Variants in CCSER2 observed in about 807,000 individuals in gnomAD.
The protein encoded by CCSER2 is serine-rich coiled-coil domain-containing protein 2.
In CCSER2, 46 loss-of-function variants were observed where a neutral mutation model predicts 92.3. The observed-to-expected ratio is 0.50, with a 90% CI of 0.39 to 0.64. The LOEUF (loss-of-function observed/expected upper bound fraction) is 0.64, where lower values mean the gene tolerates loss of function less well. CCSER2 is among the 30% of genes least tolerant of loss of function. The probability of loss-of-function intolerance (pLI) is 0.00; values close to 1 mark genes in which losing one functional copy is unlikely to be tolerated. For missense variants in CCSER2, 1,244 were observed against 1,238.9 expected, an observed-to-expected ratio of 1.00 and a Z score of -0.06; for synonymous variants, 433 against 431.4, an observed-to-expected ratio of 1.00 and a Z score of -0.04.
intron 6 of CCSER2, among the ~76,000 whole-genome samples, chr10:84,441,755 T>C (rs1386658063): frequency 1.2e-5 from 1 of 80,248 alleles, no homozygotes; most frequent in Non-Finnish European, 2.8e-5. Context: ...TTTTTTTTTT[T>C]TTTTTTTTTT....
intron 3 of CCSER2, among the ~76,000 whole-genome samples, chr10:84,385,835 A>G (rs1439250667): frequency 2.6e-5 from 4 of 152,162 alleles, no homozygotes; most frequent in East Asian, 3.8e-4. Context: ...TTTCCAAACC[A>G]TGCATCTGAA....
intron 3 of CCSER2, among the ~76,000 whole-genome samples, chr10:84,407,211 T>C (rs557422483): frequency 5.3e-5 from 8 of 152,338 alleles, no homozygotes; most frequent in Admixed American, 4.6e-4. Flanking sequence ...TCAAAATAAT[T>C]GGGCTTCAAA....
chr10:84,464,201 G>T (rs1366348703), intron 7 of CCSER2, among the ~76,000 whole-genome samples, 185 bp downstream of exon 7: 3 of 151,662 alleles, frequency 2.0e-5, no homozygotes, highest in Non-Finnish European at 2.9e-5. Flanking sequence ...TTTATCAGTT[G>T]GATAATGATC....
At chr10:84,495,068 A>T (rs574668850) in intron 9 of CCSER2, among the ~76,000 whole-genome samples, 8 of 149,630 alleles carry the variant, frequency 5.3e-5, no homozygotes, top group East Asian at 2.0e-4. Context: ...TATTGATGGA[A>T]TTTTTTTCTC....
At chr10:84,440,401 C>A (rs1410430302) in intron 6 of CCSER2, among the ~76,000 whole-genome samples, 1 of 152,000 alleles carries the variant, frequency 6.6e-6, no homozygotes, top group African/African-American at 2.4e-5. Flanking sequence ...CATGTCATTG[C>A]CTCTTTAAAT....
intron 9 of CCSER2, among the ~76,000 whole-genome samples, chr10:84,503,211 A>AGT (rs1848862547): frequency 6.6e-6 from 1 of 151,674 alleles, no homozygotes; most frequent in African/African-American, 2.4e-5. Context: ...TGGGCAACAG[A>AGT]GTGAGACTCT....
At chr10:84,342,402 G>T (rs943717204) in intron 1 of CCSER2, among the ~76,000 whole-genome samples, 1 of 152,106 alleles carries the variant, frequency 6.6e-6, no homozygotes, top group Non-Finnish European at 1.5e-5. Context: ...TTAGATAATT[G>T]TAAGACCTTT....
chr10:84,368,133 G>A (rs1015539767), intron 1 of CCSER2, among the ~76,000 whole-genome samples: 2 of 151,970 alleles, frequency 1.3e-5, no homozygotes, highest in African/African-American at 4.8e-5. Context: ...CTCTGTGCTC[G>A]GGATATTTTT....
At chr10:84,378,861 C>G (rs983415624) in intron 3 of CCSER2, among the ~76,000 whole-genome samples, 9 of 152,342 alleles carry the variant, frequency 5.9e-5, no homozygotes, top group Non-Finnish European at 1.2e-4. Flanking sequence ...GTGCATGCCA[C>G]TATACCCAGC....
intron 3 of CCSER2, among the ~76,000 whole-genome samples, chr10:84,376,452 T>G (rs539244015): frequency 6.6e-6 from 1 of 152,274 alleles, no homozygotes; most frequent in South Asian, 2.1e-4. Context: ...CTTTGACTGT[T>G]CTTGAACTTT....
At chr10:84,348,021 C>T (rs1012046457) in intron 1 of CCSER2, among the ~76,000 whole-genome samples, 1 of 152,196 alleles carries the variant, frequency 6.6e-6, no homozygotes, top group Admixed American at 6.5e-5. Flanking sequence ...GGCGGCCAGG[C>T]AGAGACGCTC....
In CCSER2 at chr10:84,406,549, C is replaced by G. The variant is rs143441059; in HGVS notation, c.1615-11222C>G. Among the ~76,000 whole-genome samples the G allele has an allele frequency of 1.2e-4, 18 of 152,278 alleles. No individual in the cohort carries two copies. The South Asian group carries it at 1.5e-3, about 12-fold the overall frequency. On this transcript the variant is annotated intron_variant, in intron 3 of 9. Transcript: ENST00000372088. ...TGTGTTCTCAAAGTCCAAGGAAGTTCTATGGTAAACCTGCTCATATGTGCT... is the reference window on the plus strand; with the variant it reads ...TGTGTTCTCAAAGTCCAAGGAAGTTGTATGGTAAACCTGCTCATATGTGCT...
intron 7 of CCSER2, among the ~76,000 whole-genome samples, chr10:84,466,779 C>T (rs1846468705): frequency 6.6e-6 from 1 of 151,986 alleles, no homozygotes; most frequent in South Asian, 2.1e-4. Context: ...TCCCAAAGTG[C>T]TGGGATTACA....
intron 1 of CCSER2, among the ~76,000 whole-genome samples, chr10:84,332,432 A>ATTTTTTTTTTTTTTTTTTTTTTTTTTTTT: frequency 1.4e-5 from 1 of 73,322 alleles, no homozygotes; most frequent in Non-Finnish European, 2.3e-5. Flanking sequence ...ATATATATAT[A>ATTTTTTTTTTTTTTTTTTTTTTTTTTTTT]TATATTTTTT....
intron 6 of CCSER2, among the ~76,000 whole-genome samples, chr10:84,445,058 T>C (rs1164368665): frequency 1.3e-5 from 2 of 152,234 alleles, no homozygotes; most frequent in Non-Finnish European, 2.9e-5. Flanking sequence ...CTGTATAGTT[T>C]ATTGCCTGAT....
At chr10:84,509,120 A>G (rs1485972728) in intron 9 of CCSER2, among the ~76,000 whole-genome samples, 1 of 152,212 alleles carries the variant, frequency 6.6e-6, no homozygotes, top group Admixed American at 6.5e-5. Flanking sequence ...AACATGAATC[A>G]TTAAGCTAAC....
At chr10:84,368,140 T>G (rs1157783414) in intron 1 of CCSER2, among the ~76,000 whole-genome samples, 5 of 152,128 alleles carry the variant, frequency 3.3e-5, no homozygotes, top group African/African-American at 1.2e-4. Context: ...CTCGGGATAT[T>G]TTTCCTCAAC....
In CCSER2 at chr10:84,514,043, CA is replaced by C; in HGVS notation, c.2921del (p.Gln974ArgfsTer3). 4 of 1,536,518 alleles carry C rather than the reference CA, an allele frequency of 2.6e-6. No homozygotes were observed. The highest frequency in any genetic ancestry group is 2.6e-6 in the Non-Finnish European group (3 of 1,147,008). On this transcript the variant is annotated frameshift_variant, in exon 10 of 10. Coordinates refer to ENST00000372088, the MANE Select transcript of CCSER2 (RefSeq NM_001284240.2). LOFTEE classifies it high-confidence loss of function. ...TAGTCAAACAAATCTTGCAAATAAT[CA>C]GAATCTGAAAGCATCTAAGCTCCGC... ...TSSQTNLANN[Q>X]NLKASKLRPP...
intron 3 of CCSER2, among the ~76,000 whole-genome samples, chr10:84,380,851 C>T (rs925320203): frequency 1.5e-4 from 23 of 152,168 alleles, no homozygotes; most frequent in African/African-American, 4.6e-4. Flanking sequence ...CCTGCCACCA[C>T]GCCAGGCTAA....
Sources: gnomAD v4.1 joint callset for allele counts (sites outside exome capture counted in the v4.1 genomes callset) on GRCh38, gnomAD v4.1.1 for gene constraint, MANE v1.5 for transcripts, NCBI Gene and HGNC (gene_info 2026-07-23, HGNC 2026-07-21) for gene names.